The following MAP3K8 variants were observed in gnomAD, a reference collection of about 807,000 sequenced individuals.
MAP3K8 encodes Ewing sarcoma transformant.
Under a neutral mutation model 45.8 loss-of-function variants are expected in MAP3K8, and 22 were observed. The observed-to-expected ratio is 0.48, with a 90% CI of 0.34 to 0.69. The LOEUF (loss-of-function observed/expected upper bound fraction) is 0.69, where lower values mean the gene tolerates loss of function less well. Among genes scored for constraint, MAP3K8 ranks in the 30% least tolerant of loss-of-function variants. The pLI is 0.01. For missense variants in MAP3K8, 419 were observed against 585.0 expected (o/e 0.72, Z 2.93); for synonymous variants, 223 against 214.3 (o/e 1.04, Z -0.36).
intron 3 of MAP3K8, among the ~76,000 whole-genome samples, chr10:30,440,445 TAAA>T (rs1836062379): frequency 6.6e-6 from 1 of 152,192 alleles, no homozygotes; most frequent in Non-Finnish European, 1.5e-5. Flanking sequence ...TTCATTTAAT[TAAA>T]AACAACAGAG....
chr10:30,434,402 G>C, intron 1 of MAP3K8, 24 bp downstream of exon 1: 1 of 963,164 alleles, frequency 1.0e-6, no homozygotes, highest in Non-Finnish European at 1.2e-6. Flanking sequence ...GGGGGTCTCC[G>C]GCGTGTCTTT....
At chr10:30,459,646 A>G in intron 8 of MAP3K8, 145 bp downstream of exon 8, 1 of 930,820 alleles carries the variant, frequency 1.1e-6, no homozygotes, top group South Asian at 1.7e-5. Context: ...TTTCAGCAAG[A>G]TTAGCAGAAG....
At chr10:30,443,898 G>A (rs1156756679) in intron 3 of MAP3K8, among the ~76,000 whole-genome samples, 1 of 152,142 alleles carries the variant, frequency 6.6e-6, no homozygotes, top group Non-Finnish European at 1.5e-5. Context: ...TCCCTAAGAT[G>A]GTTTGATAGC....
At chr10:30,442,887 C>T (rs1416270679) in intron 3 of MAP3K8, among the ~76,000 whole-genome samples, 1 of 152,162 alleles carries the variant, frequency 6.6e-6, no homozygotes, top group African/African-American at 2.4e-5. Context: ...GAGTCCAGCC[C>T]TCCGTCTAGT....
intron 7 of MAP3K8, among the ~76,000 whole-genome samples, chr10:30,458,885 G>A (rs1836836439): frequency 2.0e-5 from 3 of 152,038 alleles, no homozygotes; most frequent in African/African-American, 7.2e-5. Flanking sequence ...GACCAGCCTG[G>A]GCAACAAAGC....
intron 3 of MAP3K8, 124 bp downstream of exon 3, chr10:30,439,398 A>G: frequency 6.9e-7 from 1 of 1,451,678 alleles, no homozygotes; most frequent in Non-Finnish European, 9.1e-7. Context: ...AAAAAATGTA[A>G]TCATCAGTAA....
rs1836937982 is a variant in MAP3K8, at chr10:30,461,501, T to G, written c.*665T>G. 1 of 194,978 alleles carries G rather than the reference T, an allele frequency of 5.1e-6. No individual in the cohort carries two copies. The highest frequency in any genetic ancestry group is 1.9e-4 in the South Asian group (1 of 5,198). 12.1% of individuals were successfully genotyped at this position (194,978 alleles called of 1,614,324 possible). A position where few individuals can be genotyped will look rare whatever the true frequency, so the allele number is the denominator to read the frequency against. On this transcript the variant is annotated 3_prime_UTR_variant, in exon 9 of 9. Transcript: ENST00000263056. ...CATTCAAAACGTGATGTTTTGAATG[T>G]GGATAAAACTGTGTAAACCACATAA... is the stretch of plus-strand genomic sequence containing the variant.
intron 3 of MAP3K8, chr10:30,439,490 G>C: frequency 1.9e-6 from 2 of 1,050,852 alleles, no homozygotes; most frequent in Non-Finnish European, 2.7e-6. Context: ...TATTTTAGTA[G>C]TATTTCTACA....
rs1836849380 is a variant in MAP3K8, at chr10:30,459,242, G to A, written c.1027-13G>A. 2 of 1,613,946 alleles carry A rather than the reference G, an allele frequency of 1.2e-6. No homozygotes were observed. Among genetic ancestry groups the A allele is most frequent in the Non-Finnish European group, 8.5e-7 (1 of 1,179,958 alleles). On this transcript the variant is annotated splice_polypyrimidine_tract_variant and intron_variant, in intron 7 of 8. Transcript: ENST00000263056. ...CCATACCTTTGATGCTAAGAGAGCT[G>A]GTTTGTTGATAGATCCACAAGCAAG...
rs777682936 is a variant in MAP3K8, at chr10:30,438,977, G to C, written c.39G>C (p.Glu13Asp). The C allele has an allele frequency of 1.4e-5, 23 of 1,611,958 alleles. No individual in the cohort carries two copies. In the South Asian group the frequency reaches 2.1e-4, roughly 15 times the overall value. The stretch of plus-strand genomic sequence containing the variant: ...GCACTGGAAGTGACAATAAAGAAGA[G>C]ATTGATTTATTAATTAAACATTTAA... ...YMSTGSDNKE[E>D]IDLLIKHLNV... The change falls in exon 3 of 9, where the codon GAG becomes GAC. Residue 13 changes from glutamate (E) to aspartate (D), a missense_variant. By Grantham distance (45) the Glu-to-Asp change is conservative (BLOSUM62 2). This residue lies in a region of MAP3K8 where 102 missense variants were observed against 93.5 expected (regional missense o/e 1.09). Transcript: ENST00000263056.
chr10:30,443,376 A>G (rs534872617), intron 3 of MAP3K8, among the ~76,000 whole-genome samples: 1 of 152,348 alleles, frequency 6.6e-6, no homozygotes, highest in East Asian at 1.9e-4. Flanking sequence ...GTTGTATACA[A>G]TTGTTACACC....
rs1340312546 is a variant in MAP3K8, at chr10:30,460,715, G to T, written c.1283G>T (p.Cys428Phe). 1 of 1,606,676 alleles carries T rather than the reference G, an allele frequency of 6.2e-7. No individual in the cohort carries two copies. The highest frequency in any genetic ancestry group is 2.2e-5 in the East Asian group (1 of 44,636). ...ELPENIADSS[C>F]TGSTEESEML... ...ATGTTTTCCTTTTCAGATTCTTCGT[G>T]CACAGGAAGCACCGAGGAATCTGAG... The change falls in exon 9 of 9, where the codon TGC becomes TTC. Residue 428 changes from cysteine (C) to phenylalanine (F), a missense_variant. Physicochemically the swap from Cys to Phe is radical, Grantham distance 205. Coordinates refer to ENST00000263056, the MANE Select transcript of MAP3K8 (RefSeq NM_005204.4).
In MAP3K8 at chr10:30,450,482, T is replaced by G; in HGVS notation, c.729T>G (p.Phe243Leu). The change falls in exon 5 of 9, where the codon TTT becomes TTG. Residue 243 changes from phenylalanine to leucine, a missense_variant. By Grantham distance (22) the Phe-to-Leu change is conservative (BLOSUM62 0). Coordinates refer to ENST00000263056, the MANE Select transcript of MAP3K8 (RefSeq NM_005204.4). ...VTKHVLKGLD[F>L]LHSKKVIHHD... ...AGCATGTTCTCAAGGGACTTGATTT[T>G]CTACACTCAAAGAAAGTGATCCATC... 6.2e-7 allele frequency: 1 copy of G among 1,614,140 alleles called. No homozygotes were observed. Among genetic ancestry groups the G allele is most frequent in the Non-Finnish European group, 8.5e-7 (1 of 1,179,964 alleles).
intron 4 of MAP3K8, among the ~76,000 whole-genome samples, chr10:30,449,402 G>A (rs761459008): frequency 2.0e-5 from 3 of 152,084 alleles, no homozygotes; most frequent in African/African-American, 7.2e-5. Context: ...TCACCCCCAC[G>A]CCTGGCCTGA....
chr10:30,434,533 G>A (rs1279931385), intron 1 of MAP3K8, 155 bp downstream of exon 1: 7 of 985,790 alleles, frequency 7.1e-6, no homozygotes, highest in Non-Finnish European at 8.4e-6. Context: ...GCGCTCGCGG[G>A]TCGCCGGCTG....
chr10:30,446,954 T>A (rs1285929726), intron 3 of MAP3K8, among the ~76,000 whole-genome samples: 5 of 152,216 alleles, frequency 3.3e-5, no homozygotes, highest in Admixed American at 6.6e-5. Context: ...TCTCGCTATG[T>A]TGCCTAGGCT....
In MAP3K8 at chr10:30,450,446, T is replaced by G; in HGVS notation, c.693T>G (p.Ile231Met). 1 of 1,614,120 alleles carries G rather than the reference T, an allele frequency of 6.2e-7. No individual in the cohort carries two copies. The highest frequency in any genetic ancestry group is 1.3e-5 in the African/African-American group (1 of 75,042). Residue 231 changes from isoleucine (I) to methionine (M), a missense_variant, in exon 5 of 9, where the codon ATT (isoleucine) becomes ATG (methionine). By Grantham distance (10) the Ile-to-Met change is conservative. Coordinates refer to ENST00000263056, the MANE Select transcript of MAP3K8 (RefSeq NM_005204.4). ...SCGPMREFEI[I>M]WVTKHVLKGL... ...GACCAATGAGAGAATTTGAAATTAT[T>G]TGGGTGACAAAGCATGTTCTCAAGG... is the stretch of plus-strand genomic sequence containing the variant.
At chr10:30,450,961 G>A (rs1250253829) in intron 5 of MAP3K8, among the ~76,000 whole-genome samples, 4 of 151,520 alleles carry the variant, frequency 2.6e-5, no homozygotes, top group African/African-American at 7.3e-5. Context: ...GCATGGTGGT[G>A]GGTGCTGGTA....
At chr10:30,439,385 T>C (rs1836021601) in intron 3 of MAP3K8, 111 bp downstream of exon 3, 1 of 1,474,794 alleles carries the variant, frequency 6.8e-7, no homozygotes, top group Non-Finnish European at 9.0e-7. Context: ...CAGGCATGAT[T>C]TTAAAAAATG....
Sources: allele counts gnomAD v4.1 joint callset (sites outside exome capture counted in the v4.1 genomes callset), GRCh38; gene constraint gnomAD v4.1.1; regional missense constraint gnomAD v4.1.1; transcripts MANE v1.5; gene names NCBI Gene and HGNC (gene_info 2026-07-23, HGNC 2026-07-21).